SIMC1: variants seen among roughly 807,000 people sequenced by gnomAD.
SIMC1 encodes the protein SUMO-interacting motif-containing protein 1.
Under a neutral mutation model 82.3 loss-of-function variants are expected in SIMC1, and 55 were observed. The observed-to-expected ratio is 0.67, with a 90% CI of 0.54 to 0.84. The LOEUF is 0.84. Among genes scored for constraint, SIMC1 ranks in the 40% least tolerant of loss-of-function variants. The probability of loss-of-function intolerance (pLI) is 0.00; values close to 1 mark genes in which losing one functional copy is unlikely to be tolerated. For synonymous variants in SIMC1, 353 were observed against 426.3 expected, an observed-to-expected ratio of 0.83 and a Z score of 2.12; for missense variants, 915 against 1,107.2, an observed-to-expected ratio of 0.83 and a Z score of 2.46.
At chr5:176,343,969 G>A (rs1334451637) in intron 9 of SIMC1, among the ~76,000 whole-genome samples, 1 of 151,800 alleles carries the variant, frequency 6.6e-6, no homozygotes, top group African/African-American at 2.4e-5. Context: ...TAATTTTTTT[G>A]TATTTTTAGT....
intron 7 of SIMC1, among the ~76,000 whole-genome samples, chr5:176,327,318 TTAAGTA>T (rs1412309709): frequency 1.3e-5 from 2 of 152,234 alleles, no homozygotes; most frequent in African/African-American, 4.8e-5. Flanking sequence ...TTTCTAAAGA[TTAAGTA>T]TAATTTACAT....
chr5:176,341,203 CAA>C, intron 9 of SIMC1, among the ~76,000 whole-genome samples: 1 of 152,118 alleles, frequency 6.6e-6, no homozygotes, highest in East Asian at 1.9e-4. Flanking sequence ...AATGGGGAGA[CAA>C]GAGTTTTCCA....
At chr5:176,313,276 T>G (rs1764744270) in intron 4 of SIMC1, 1 of 1,405,326 alleles carries the variant, frequency 7.1e-7, no homozygotes, top group African/African-American at 1.4e-5. Context: ...CATCTGTAGT[T>G]TTGGGTATAT....
chr5:176,268,416 T>A (rs1273389210), intron 1 of SIMC1, among the ~76,000 whole-genome samples: 3 of 123,154 alleles, frequency 2.4e-5, no homozygotes, highest in Non-Finnish European at 3.3e-5. Flanking sequence ...CTATATGAGA[T>A]GTACTGTCTA....
intron 7 of SIMC1, among the ~76,000 whole-genome samples, chr5:176,336,095 GGAGAGAGA>G (rs368859567): frequency 2.8e-4 from 41 of 147,368 alleles, no homozygotes; most frequent in Middle Eastern, 3.5e-3. Flanking sequence ...GCAGGGAGGG[GGAGAGAGA>G]GAGAGAGAGA....
chr5:176,261,914 A>T (rs2560149), intron 1 of SIMC1, among the ~76,000 whole-genome samples: 5 of 152,240 alleles, frequency 3.3e-5, no homozygotes, highest in Non-Finnish European at 7.3e-5. Flanking sequence ...AGAAATGATA[A>T]AAATTCTCAA....
chr5:176,283,020 T>C (rs1172811072), intron 1 of SIMC1, among the ~76,000 whole-genome samples: 1 of 152,194 alleles, frequency 6.6e-6, no homozygotes, highest in Non-Finnish European at 1.5e-5. Flanking sequence ...AATATGGGAC[T>C]ATGTGAAAAG....
intron 1 of SIMC1, among the ~76,000 whole-genome samples, chr5:176,288,720 T>C (rs991364907): frequency 2.0e-5 from 3 of 152,232 alleles, no homozygotes; most frequent in African/African-American, 7.2e-5. Flanking sequence ...ATGGTGACCA[T>C]CTATTAAGAG....
chr5:176,313,192 G>C (rs904447562), intron 4 of SIMC1: 17 of 930,082 alleles, frequency 1.8e-5, no homozygotes, highest in Middle Eastern at 4.1e-4. Context: ...TTCATCAGTA[G>C]AGTGGACATC....
chr5:176,253,058 A>T (rs1354484339), intron 1 of SIMC1, among the ~76,000 whole-genome samples: 1 of 152,186 alleles, frequency 6.6e-6, no homozygotes, highest in African/African-American at 2.4e-5. Context: ...AGAATCAGGC[A>T]GGGAGGTTGC....
intron 1 of SIMC1, among the ~76,000 whole-genome samples, chr5:176,280,680 C>G (rs1392494043): frequency 1.3e-5 from 2 of 152,032 alleles, no homozygotes; most frequent in Non-Finnish European, 1.5e-5. Flanking sequence ...GATTTTATTT[C>G]TCTTTCACTT....
intron 3 of SIMC1, 133 bp from the exon 4 acceptor site, chr5:176,296,118 A>G (rs1361640150): frequency 6.8e-7 from 1 of 1,471,886 alleles, no homozygotes; most frequent in African/African-American, 1.4e-5. Context: ...ACATGGTATG[A>G]TACCAGAAAG....
chr5:176,300,490 TTA>T (rs1491523584), intron 4 of SIMC1, among the ~76,000 whole-genome samples: 2 of 148,364 alleles, frequency 1.3e-5, no homozygotes, highest in African/African-American at 2.5e-5. Context: ...AGCTAATTTT[TTA>T]TTATTTTTTG....
At chr5:176,343,978 G>C (rs980620616) in intron 9 of SIMC1, among the ~76,000 whole-genome samples, 2 of 151,858 alleles carry the variant, frequency 1.3e-5, no homozygotes, top group Non-Finnish European at 2.9e-5. Context: ...TGTATTTTTA[G>C]TAGAGACAGG....
At chr5:176,262,634 G>A (rs1405604979) in intron 1 of SIMC1, among the ~76,000 whole-genome samples, 2 of 152,102 alleles carry the variant, frequency 1.3e-5, no homozygotes, top group Admixed American at 6.5e-5. Flanking sequence ...GTGAAATCTC[G>A]TCGCTACTAA....
intron 4 of SIMC1, among the ~76,000 whole-genome samples, chr5:176,307,117 C>A (rs116478090): frequency 6.6e-6 from 1 of 151,986 alleles, no homozygotes; most frequent in African/African-American, 2.4e-5. Context: ...TCACCTCATA[C>A]CAATTAGAAT....
intron 4 of SIMC1, among the ~76,000 whole-genome samples, chr5:176,302,310 A>G (rs990445654): frequency 6.6e-6 from 1 of 152,208 alleles, no homozygotes; most frequent in African/African-American, 2.4e-5. Context: ...AATGAAGGAG[A>G]AAAAACACAC....
intron 7 of SIMC1, among the ~76,000 whole-genome samples, chr5:176,333,693 G>A (rs1302765934): frequency 6.6e-6 from 1 of 152,160 alleles, no homozygotes; most frequent in Admixed American, 6.5e-5. Flanking sequence ...GCCTCCCAGA[G>A]TGCTGGGATT....
chr5:176,249,740 A>G (rs1357630968), intron 1 of SIMC1, among the ~76,000 whole-genome samples: 3 of 148,050 alleles, frequency 2.0e-5, no homozygotes, highest in Non-Finnish European at 4.4e-5. Context: ...GCTACTCAGG[A>G]GGCTGAGGCG....
Sources: allele counts gnomAD v4.1 joint callset (sites outside exome capture counted in the v4.1 genomes callset), GRCh38; gene constraint gnomAD v4.1.1; transcripts MANE v1.5; gene names NCBI Gene and HGNC (gene_info 2026-07-23, HGNC 2026-07-21).